Variants in PIK3R5 observed in about 807,000 individuals in gnomAD.
PIK3R5 encodes the protein phosphoinositide-3-kinase regulatory subunit 5.
In PIK3R5, 32 loss-of-function variants were observed where a neutral mutation model predicts 94.9. The observed-to-expected ratio is 0.34, with a 90% CI of 0.25 to 0.45. The LOEUF is 0.45. PIK3R5 is among the 20% of genes least tolerant of loss of function. The pLI, the probability that PIK3R5 is intolerant of heterozygous loss-of-function variation, is 1.00. For synonymous variants in PIK3R5, 443 were observed against 479.4 expected, an observed-to-expected ratio of 0.92 and a Z score of 0.99; for missense variants, 853 against 1,144.6, an observed-to-expected ratio of 0.75 and a Z score of 3.68.
chr17:8,964,300 A>T (rs2091623272), intron 1 of PIK3R5, among the ~76,000 whole-genome samples: 1 of 152,000 alleles, frequency 6.6e-6, no homozygotes, highest in South Asian at 2.1e-4. Context: ...GCGGAGGCGG[A>T]GGATTGCTTG....
At chr17:8,895,459 T>G (rs114040233) in intron 5 of PIK3R5, among the ~76,000 whole-genome samples, 1,929 of 152,242 alleles carry the variant, frequency 0.013, 44 homozygotes, top group African/African-American at 0.044. Context: ...CGCCCAGCCA[T>G]TGGCTTCCAA....
In PIK3R5 at chr17:8,888,189, C is replaced by T. The variant is rs1210770369; in HGVS notation, c.1598G>A (p.Arg533Gln). 5.6e-6 allele frequency: 9 copies of T among 1,613,376 alleles called. No homozygotes were observed. The highest frequency in any genetic ancestry group is 2.2e-5 in the East Asian group (1 of 44,868). ...GSDRISGKVA[R>Q]AYSNLRRLEN... ...CTCTTACCGAAGGTTGCTGTACGCC[C>T]GAGCCACCTTCCCTGAAATCCGATC... Residue 533 changes from arginine to glutamine, a missense_variant, in exon 10 of 19, where the codon CGG (arginine) becomes CAG (glutamine). Physicochemically the swap from Arg to Gln is conservative, Grantham distance 43 (BLOSUM62 1). Transcript: ENST00000447110. This position sits in a 1 kb window ranked among gnomAD's most constrained non-coding sequence, Gnocchi z 7.8.
In PIK3R5 at chr17:8,935,926, C is replaced by T. The variant is rs1168435439; in HGVS notation, c.-13-24419G>A. On this transcript the variant is annotated intron_variant, in intron 1 of 18. Coordinates refer to ENST00000447110, the MANE Select transcript of PIK3R5 (RefSeq NM_001142633.3). This position sits in a 1 kb window ranked among gnomAD's most constrained non-coding sequence, Gnocchi z 4.5. ...AAAATTAGCCGGGCGTGGTGGCGGG[C>T]ACCTGTAGTCCCAGCTACTCGGGAG... is the stretch of plus-strand genomic sequence containing the variant. Among the ~76,000 whole-genome samples the T allele has an allele frequency of 6.6e-6, 1 of 151,996 alleles. No individual in the cohort carries two copies. The highest frequency in any genetic ancestry group is 1.5e-5 in the Non-Finnish European group (1 of 67,990).
Position 8,911,321 on chromosome 17 carries a change from G to T in PIK3R5, c.103+71C>A. ...TAGAATTTGCCAGTTTCCATGCCTG[G>T]TCCAGTGCCCACCGTGGCCCCTGAG... On this transcript the variant is annotated intron_variant, in intron 2 of 18. Transcript: ENST00000447110. This position sits in a 1 kb window ranked among gnomAD's most constrained non-coding sequence, Gnocchi z 5.3. The T allele has an allele frequency of 1.7e-6, 2 of 1,202,298 alleles. No individual in the cohort carries two copies. The highest frequency in any genetic ancestry group is 2.4e-6 in the Non-Finnish European group (2 of 824,062). The allele number at this position is 1,202,298 out of a possible 1,614,324, so 74.5% of individuals were successfully genotyped here.
chr17:8,928,945 G>A (rs970536684), intron 1 of PIK3R5, among the ~76,000 whole-genome samples: 4 of 152,154 alleles, frequency 2.6e-5, no homozygotes, highest in Non-Finnish European at 4.4e-5. Flanking sequence ...TGTATGCTGA[G>A]TAAATATTTA....
chr17:8,927,810 G>A (rs1597411344), intron 1 of PIK3R5, among the ~76,000 whole-genome samples: 2 of 152,114 alleles, frequency 1.3e-5, no homozygotes, highest in African/African-American at 4.8e-5. Flanking sequence ...TGAATGGCTT[G>A]GTGTCATTCT....
intron 1 of PIK3R5, among the ~76,000 whole-genome samples, chr17:8,942,664 GGT>G (rs2091204017): frequency 6.6e-6 from 1 of 151,312 alleles, no homozygotes; most frequent in Non-Finnish European, 1.5e-5. Context: ...GGAGTGCAGT[GGT>G]GCGATCTCTG....
In PIK3R5 at chr17:8,908,957, C is replaced by T. The variant is rs114416928; in HGVS notation, c.204+117G>A. 920 of 641,952 alleles carry T rather than the reference C, an allele frequency of 1.4e-3. 9 individuals are homozygous for T. In the African/African-American group the frequency reaches 0.015, roughly 10 times the overall value. The allele number at this position is 641,952 out of a possible 1,614,324, so 39.8% of individuals were successfully genotyped here. On this transcript the variant is annotated intron_variant, in intron 3 of 18. Coordinates refer to ENST00000447110, the MANE Select transcript of PIK3R5 (RefSeq NM_001142633.3). ...ACACAAAACTCACAGGTTCCCAGGGCCTTTGCCCAGCCCCTCTGGAGGTCC... is the reference window on the plus strand; with the variant it reads ...ACACAAAACTCACAGGTTCCCAGGGTCTTTGCCCAGCCCCTCTGGAGGTCC...
At chr17:8,905,077 C>A (rs997525617) in intron 4 of PIK3R5, among the ~76,000 whole-genome samples, 162 bp from the exon 5 acceptor site, 20 of 152,212 alleles carry the variant, frequency 1.3e-4, no homozygotes, top group African/African-American at 4.8e-4. Context: ...AAGTTACTCA[C>A]AGGGAGTGGG....
intron 1 of PIK3R5, among the ~76,000 whole-genome samples, chr17:8,942,089 A>G (rs931473747): frequency 6.6e-6 from 1 of 152,082 alleles, no homozygotes; most frequent in East Asian, 1.9e-4. Context: ...AGCTCCTCAC[A>G]ACGGGGCCCT....
At chr17:8,941,918 AC>A (rs2091188313) in intron 1 of PIK3R5, among the ~76,000 whole-genome samples, 1 of 152,102 alleles carries the variant, frequency 6.6e-6, no homozygotes, top group African/African-American at 2.4e-5. Flanking sequence ...TACTCAGAAG[AC>A]CCTTCGGGAG....
intron 3 of PIK3R5, among the ~76,000 whole-genome samples, chr17:8,907,853 G>A (rs2090430474): frequency 6.6e-6 from 1 of 152,102 alleles, no homozygotes. Flanking sequence ...GCCCAGGCTG[G>A]TCTTGAACTC....
In PIK3R5 at chr17:8,892,231, CTG is replaced by C. The variant is rs2090045840; in HGVS notation, c.483-1321_483-1320del. 6.6e-6 allele frequency among the ~76,000 whole-genome samples: 1 copy of C among 152,180 alleles called. No individual in the cohort carries two copies. The highest frequency in any genetic ancestry group is 1.5e-5 in the Non-Finnish European group (1 of 68,030). On this transcript the variant is annotated intron_variant, in intron 6 of 18. Coordinates refer to ENST00000447110, the MANE Select transcript of PIK3R5 (RefSeq NM_001142633.3). This position sits in a 1 kb window ranked among gnomAD's most constrained non-coding sequence, Gnocchi z 4.3. ...GACAGGGCAGAGACAGGACTAGTCT[CTG>C]TCAAAGTCCCCATCATTTGGGAAGA...
In PIK3R5 at chr17:8,925,265, G is replaced by A. The variant is rs1341907097; in HGVS notation, c.-13-13758C>T. Among the ~76,000 whole-genome samples, 1 of 150,526 alleles carries A rather than the reference G, an allele frequency of 6.6e-6. No homozygotes were observed. Among genetic ancestry groups the A allele is most frequent in the African/African-American group, 2.5e-5 (1 of 40,400 alleles). On this transcript the variant is annotated intron_variant, in intron 1 of 18. Transcript: ENST00000447110. The surrounding 1 kb of genome is among the most constrained non-coding windows in gnomAD (Gnocchi z 5.1). ...AGATGGGTAGATAGATAGATGGTTA[G>A]CTAGTAGATGATAGATAGTAGATGG... is the stretch of plus-strand genomic sequence containing the variant.
intron 1 of PIK3R5, among the ~76,000 whole-genome samples, chr17:8,942,750 C>T (rs1008750862): frequency 3.3e-5 from 5 of 151,956 alleles, no homozygotes; most frequent in African/African-American, 4.8e-5. Context: ...GGACTACAGG[C>T]GTCCGCCACC....
intron 1 of PIK3R5, among the ~76,000 whole-genome samples, chr17:8,952,171 T>C (rs2091388396): frequency 6.6e-6 from 1 of 152,260 alleles, no homozygotes; most frequent in Non-Finnish European, 1.5e-5. Context: ...GGATCACTTA[T>C]GCCCAGCTTG....
chr17:8,900,812 G>A (rs1222097507), intron 5 of PIK3R5, among the ~76,000 whole-genome samples: 2 of 152,194 alleles, frequency 1.3e-5, no homozygotes, highest in South Asian at 2.1e-4. Flanking sequence ...CTACCCAGCC[G>A]CCTGCAAAAA....
intron 1 of PIK3R5, among the ~76,000 whole-genome samples, chr17:8,929,645 T>C (rs1036211722): frequency 6.6e-6 from 1 of 152,114 alleles, no homozygotes; most frequent in African/African-American, 2.4e-5. Flanking sequence ...GAGAACAAAA[T>C]CATGTCCTTT....
rs772601589 is a variant in PIK3R5, at chr17:8,888,800, C to T, written c.987G>A (p.Glu329=). ...CGTCAGTTTCCAAGTCCTCCTCCAC[C>T]TCCTCCTCCTCCTCTTCCTCCTCTT... ...DDEEEEEEEE[E]VEEDLETDGH... Residue 329 remains glutamate (E), a synonymous_variant, in exon 10 of 19, where the codon GAG becomes GAA. Coordinates refer to ENST00000447110, the MANE Select transcript of PIK3R5 (RefSeq NM_001142633.3). The surrounding 1 kb of genome is among the most constrained non-coding windows in gnomAD (Gnocchi z 7.8). The T allele has an allele frequency of 6.5e-7, 1 of 1,527,750 alleles. No homozygotes were observed. Among genetic ancestry groups the T allele is most frequent in the Non-Finnish European group, 9.0e-7 (1 of 1,113,656 alleles). The allele number at this position is 1,527,750 out of a possible 1,614,324, so 94.6% of individuals were successfully genotyped here.
Sources: gnomAD v4.1 joint callset for allele counts (sites outside exome capture counted in the v4.1 genomes callset) on GRCh38, gnomAD v4.1.1 for gene constraint, Gnocchi (gnomAD v3.1) non-coding constraint, MANE v1.5 for transcripts, NCBI Gene and HGNC (gene_info 2026-07-23, HGNC 2026-07-21) for gene names.